XIRP2: variants seen among roughly 807,000 people sequenced by gnomAD.
The protein encoded by XIRP2 is xin actin-binding repeat-containing protein 2.
A neutral mutation model predicts 277.0 loss-of-function variants in XIRP2; 236 were observed. The ratio of observed to expected loss-of-function variants is 0.85; its 90% confidence interval spans 0.77 to 0.95. The LOEUF is 0.95. Ranked by LOEUF, XIRP2 falls within the 40% of genes least tolerant of loss-of-function variation. The probability of loss-of-function intolerance (pLI) is 0.00; values close to 1 mark genes in which losing one functional copy is unlikely to be tolerated. For missense variants in XIRP2, 4,640 were observed against 4,157.5 expected, an observed-to-expected ratio of 1.12 and a Z score of -3.19; for synonymous variants, 1,490 against 1,416.5, an observed-to-expected ratio of 1.05 and a Z score of -1.17.
At chr2:167,254,223 C>T in intron 10 of XIRP2, 58 bp downstream of exon 10, 2 of 1,540,690 alleles carry the variant, frequency 1.3e-6, no homozygotes, top group Non-Finnish European at 1.8e-6. Context: ...CTATGTATAG[C>T]CTCATATCTC....
At chr2:167,218,039 A>G (rs565492469) in intron 4 of XIRP2, 127 bp from the exon 5 acceptor site, 111 of 696,556 alleles carry the variant, frequency 1.6e-4, no homozygotes, top group Non-Finnish European at 2.1e-4. Flanking sequence ...TACTGAAATA[A>G]TGGTGTATGT....
In XIRP2 at chr2:167,249,861, G is replaced by A; in HGVS notation, c.8469G>A (p.Gln2823=). The A allele has an allele frequency of 6.2e-7, 1 of 1,613,488 alleles. No homozygotes were observed. Among genetic ancestry groups the A allele is most frequent in the Non-Finnish European group, 8.5e-7 (1 of 1,179,724 alleles). Residue 2823 remains glutamine (Q), a synonymous_variant, in exon 9 of 11, where the codon CAG becomes CAA. Coordinates refer to ENST00000409195, the MANE Select transcript of XIRP2 (RefSeq NM_152381.6). ...GKLPGSEEKN[Q]GPSMIGRKEE... ...TTCCAGGAAGTGAAGAAAAAAATCA[G>A]GGACCATCAATGATTGGTCGAAAAG...
Position 167,249,624 on chromosome 2 carries a change from C to CA in XIRP2, c.8238dup (p.Gln2747ThrfsTer9), listed in dbSNP as rs768991186. On this transcript the variant is annotated frameshift_variant, in exon 9 of 11. Transcript: ENST00000409195. LOFTEE classifies it high-confidence loss of function. ...CTGAGATTGATGTTCAAACCTTTAC[C>CA]AAAAAACAATATCTGAAAACCAAGA... 4.3e-6 allele frequency: 7 copies of CA among 1,613,188 alleles called. No individual in the cohort carries two copies. The highest frequency in any genetic ancestry group is 1.7e-5 in the Admixed American group (1 of 59,906).
chr2:167,013,500 A>T (rs1399050264), intron 2 of XIRP2, among the ~76,000 whole-genome samples: 1 of 151,516 alleles, frequency 6.6e-6, no homozygotes, highest in Admixed American at 6.6e-5. Flanking sequence ...AGTGATAATG[A>T]TCCTTCTGGT....
At chr2:166,930,700 G>A (rs745909908) in intron 2 of XIRP2, among the ~76,000 whole-genome samples, 1 of 152,086 alleles carries the variant, frequency 6.6e-6, no homozygotes, top group African/African-American at 2.4e-5. Flanking sequence ...ACTCCTAAAT[G>A]TCAGTTTCTG....
At chr2:166,933,512 A>G (rs1685408338) in intron 2 of XIRP2, among the ~76,000 whole-genome samples, 1 of 151,552 alleles carries the variant, frequency 6.6e-6, no homozygotes, top group Non-Finnish European at 1.5e-5. Context: ...ATTCTTTAAC[A>G]TAAAATGTCT....
intron 3 of XIRP2, among the ~76,000 whole-genome samples, chr2:167,204,061 A>T (rs1459098217): frequency 6.6e-6 from 1 of 152,128 alleles, no homozygotes; most frequent in Non-Finnish European, 1.5e-5. Flanking sequence ...TGCCTTCTTG[A>T]AGCTGGTATC....
intron 2 of XIRP2, among the ~76,000 whole-genome samples, chr2:167,064,405 C>T (rs568833150): frequency 6.6e-6 from 1 of 151,904 alleles, no homozygotes; most frequent in Non-Finnish European, 1.5e-5. Context: ...TTAATCCTTT[C>T]TTTATGTGAT....
At chr2:167,139,112 A>G (rs916302177) in intron 3 of XIRP2, among the ~76,000 whole-genome samples, 1 of 149,102 alleles carries the variant, frequency 6.7e-6, no homozygotes, top group Admixed American at 6.7e-5. Context: ...ATATATATGC[A>G]TATATATATA....
intron 2 of XIRP2, among the ~76,000 whole-genome samples, chr2:167,066,720 T>C (rs1689310737): frequency 6.6e-6 from 1 of 152,014 alleles, no homozygotes; most frequent in Non-Finnish European, 1.5e-5. Flanking sequence ...AAGTAAGATA[T>C]GGAAACAACC....
At chr2:166,916,242 T>G (rs182749530) in intron 2 of XIRP2, among the ~76,000 whole-genome samples, 2 of 152,214 alleles carry the variant, frequency 1.3e-5, no homozygotes, top group Admixed American at 1.3e-4. Flanking sequence ...TTTCATTAGA[T>G]GCTAGAATTT....
chr2:167,068,994 C>T (rs932904261), intron 2 of XIRP2, among the ~76,000 whole-genome samples: 12 of 152,150 alleles, frequency 7.9e-5, no homozygotes, highest in African/African-American at 2.9e-4. Flanking sequence ...TTTGCCCTTC[C>T]TTCTAGTTGG....
Position 166,980,637 on chromosome 2 carries a change from C to T in XIRP2, c.408+76747C>T, listed in dbSNP as rs934373042. Reference sequence around the variant, plus strand: ...TTCACCATGTTGGCCAGGCTGGTCTCGAGCTCCTGACCTCAGGTTATCCAC... The same window carrying T: ...TTCACCATGTTGGCCAGGCTGGTCTTGAGCTCCTGACCTCAGGTTATCCAC... On this transcript the variant is annotated intron_variant, in intron 2 of 10. Coordinates refer to ENST00000409195, the MANE Select transcript of XIRP2 (RefSeq NM_152381.6). Among the ~76,000 whole-genome samples the T allele has an allele frequency of 5.3e-4, 80 of 152,124 alleles. 1 individual carries two copies. Among genetic ancestry groups the T allele is most frequent in the African/African-American group, 1.6e-3 (67 of 41,500 alleles).
Position 167,246,195 on chromosome 2 carries a change from C to T in XIRP2, c.4803C>T (p.Ile1601=). 1 of 1,612,252 alleles carries T rather than the reference C, an allele frequency of 6.2e-7. No homozygotes were observed. The highest frequency in any genetic ancestry group is 1.1e-5 in the South Asian group (1 of 90,660). Residue 1601 remains isoleucine, a synonymous_variant, in exon 9 of 11, where the codon ATC becomes ATT. Transcript: ENST00000409195. ...ASPEIQKEEI[I]RADLRNIMVN... is the part of the protein sequence containing the mutation. ...CTGAGATACAGAAAGAAGAAATTAT[C>T]AGGGCTGATCTCAGAAATATAATGG...
At chr2:167,172,902 G>C (rs1281262249) in intron 3 of XIRP2, among the ~76,000 whole-genome samples, 18 of 152,266 alleles carry the variant, frequency 1.2e-4, no homozygotes, top group Admixed American at 1.0e-3. Flanking sequence ...TATTGATTGG[G>C]GAAGTGATAA....
At chr2:166,940,369 A>G (rs1374883150) in intron 2 of XIRP2, among the ~76,000 whole-genome samples, 3 of 152,162 alleles carry the variant, frequency 2.0e-5, no homozygotes, top group Non-Finnish European at 4.4e-5. Context: ...CAAGGTTTTT[A>G]GCCTCTTTGC....
chr2:167,079,964 G>T (rs1689684033), intron 2 of XIRP2, among the ~76,000 whole-genome samples: 1 of 151,256 alleles, frequency 6.6e-6, no homozygotes, highest in African/African-American at 2.4e-5. Flanking sequence ...TTTTCCACTA[G>T]TTGTGATGTT....
At chr2:167,155,227 T>A (rs376627280) in intron 3 of XIRP2, among the ~76,000 whole-genome samples, 3,590 of 151,506 alleles carry the variant, frequency 0.024, 62 homozygotes, top group East Asian at 0.048. Context: ...AAAGAGGGAA[T>A]CCTCCCTAAC....
chr2:166,935,743 C>T lies in XIRP2; in HGVS notation c.408+31853C>T, dbSNP rs565937982. On this transcript the variant is annotated intron_variant, in intron 2 of 10. Transcript: ENST00000409195. ...CATGTCCCTACAAAGGACATGAACT[C>T]ATCCTTTTTTGTGGCTGCATAGTAT... Among the ~76,000 whole-genome samples, 155 of 152,298 alleles carry T rather than the reference C, an allele frequency of 1.0e-3. 2 individuals are homozygous for T. The highest frequency in any genetic ancestry group is 3.6e-3 in the African/African-American group (150 of 41,570).
Sources: allele counts gnomAD v4.1 joint callset (sites outside exome capture counted in the v4.1 genomes callset), GRCh38; gene constraint gnomAD v4.1.1; transcripts MANE v1.5; gene names NCBI Gene and HGNC (gene_info 2026-07-23, HGNC 2026-07-21).